Variants in COX10 observed in about 807,000 individuals in gnomAD.
COX10 encodes the protein cytochrome c oxidase assembly factor heme A:farnesyltransferase COX10.
COX10 carries 27 observed loss-of-function variants against 37.3 expected under a neutral mutation model. The ratio of observed to expected loss-of-function variants is 0.72; its 90% CI spans 0.53 to 1.00. The LOEUF (loss-of-function observed/expected upper bound fraction) is 1.00. Ranked by LOEUF, COX10 falls within the 50% of genes least tolerant of loss-of-function variation. COX10 has a pLI of 0.00. For missense variants in COX10, 475 were observed against 563.2 expected (o/e 0.84, Z 1.59); for synonymous variants, 222 against 229.1 (o/e 0.97, Z 0.28).
intron 4 of COX10, among the ~76,000 whole-genome samples, chr17:14,153,730 T>A (rs1904967265): frequency 6.6e-6 from 1 of 152,216 alleles, no homozygotes; most frequent in African/African-American, 2.4e-5. Flanking sequence ...CTCAACTATA[T>A]GATATATGTG....
chr17:14,158,401 T>A (rs2142238542), intron 4 of COX10, among the ~76,000 whole-genome samples: 1 of 151,552 alleles, frequency 6.6e-6, no homozygotes, highest in South Asian at 2.1e-4. Flanking sequence ...TTCTTTCATT[T>A]TTAACATATA....
At chr17:14,165,667 A>G (rs1200575141) in intron 5 of COX10, among the ~76,000 whole-genome samples, 1 of 152,236 alleles carries the variant, frequency 6.6e-6, no homozygotes, top group Non-Finnish European at 1.5e-5. Flanking sequence ...CTTTAAGTCA[A>G]AAGCTAGAAA....
chr17:14,128,588 G>A (rs886956526), intron 4 of COX10, among the ~76,000 whole-genome samples: 2 of 152,068 alleles, frequency 1.3e-5, no homozygotes, highest in African/African-American at 4.8e-5. Context: ...GCATATAGTA[G>A]GGATTCCATA....
At position 14,186,440 on chromosome 17, in the gene COX10, T is replaced by C. The variant is rs542311666; in HGVS notation, c.696-5549T>C. 2.0e-4 allele frequency among the ~76,000 whole-genome samples: 30 copies of C among 151,914 alleles called. No homozygotes were observed. The South Asian group carries it at 5.4e-3, about 27-fold the overall frequency. Reference sequence around the variant, plus strand: ...ACCCTTTCCGCCCATCTCCCACCCATCCATCGGGTCTCAGTTTACACATCA... The same window carrying C: ...ACCCTTTCCGCCCATCTCCCACCCACCCATCGGGTCTCAGTTTACACATCA... On this transcript the variant is annotated intron_variant, in intron 5 of 6. Coordinates refer to ENST00000261643, the MANE Select transcript of COX10 (RefSeq NM_001303.4).
chr17:14,106,343 T>A (rs927181175), intron 4 of COX10, among the ~76,000 whole-genome samples: 1 of 152,142 alleles, frequency 6.6e-6, no homozygotes, highest in East Asian at 1.9e-4. Flanking sequence ...AAGAGTTGTA[T>A]ATGGATATAC....
chr17:14,121,479 A>G (rs1916227757), intron 4 of COX10, among the ~76,000 whole-genome samples: 1 of 152,166 alleles, frequency 6.6e-6, no homozygotes. Context: ...CAGTTTCCTG[A>G]TGGCTGTATA....
chr17:14,071,005 A>C (rs187582541), intron 1 of COX10, among the ~76,000 whole-genome samples: 4 of 152,306 alleles, frequency 2.6e-5, no homozygotes, highest in Non-Finnish European at 5.9e-5. Context: ...GTGATTTTCC[A>C]TAATGAAAAG....
At chr17:14,200,475 A>G (rs574865257) in intron 6 of COX10, among the ~76,000 whole-genome samples, 112 of 152,338 alleles carry the variant, frequency 7.4e-4, no homozygotes, top group African/African-American at 2.6e-3. Flanking sequence ...GCCAGGTGCC[A>G]CTGGATGGGG....
chr17:14,099,939 C>T (rs1915740149), intron 3 of COX10, among the ~76,000 whole-genome samples: 1 of 152,148 alleles, frequency 6.6e-6, no homozygotes, highest in South Asian at 2.1e-4. Context: ...CATTCCTTTC[C>T]ATGTCACCCA....
chr17:14,131,636 T>C (rs1018763636), intron 4 of COX10, among the ~76,000 whole-genome samples: 2 of 152,036 alleles, frequency 1.3e-5, no homozygotes, highest in Admixed American at 6.6e-5. Flanking sequence ...TCATTTTAAA[T>C]GTTCTGATGA....
At chr17:14,192,809 A>G (rs1379178709) in intron 6 of COX10, among the ~76,000 whole-genome samples, 2 of 152,150 alleles carry the variant, frequency 1.3e-5, no homozygotes, top group East Asian at 1.9e-4. Context: ...TACCATGTGT[A>G]AGGGAAGTTT....
At chr17:14,140,615 G>A (rs1344007712) in intron 4 of COX10, among the ~76,000 whole-genome samples, 1 of 151,984 alleles carries the variant, frequency 6.6e-6, no homozygotes, top group East Asian at 1.9e-4. Flanking sequence ...ATTCATAAAT[G>A]ATATTGAAAC....
Position 14,146,611 on chromosome 17 carries a change from C to T in COX10, c.625-13266C>T, listed in dbSNP as rs187494645. Among the ~76,000 whole-genome samples the T allele has an allele frequency of 1.6e-3, 250 of 152,214 alleles. 2 individuals are homozygous for T. The highest frequency in any genetic ancestry group is 3.5e-3 in the Admixed American group (54 of 15,274). ...TTTCTTGAGTAATACCCCACAAACA[C>T]AGGCAACCAGAGCAGACATGGACAA... On this transcript the variant is annotated intron_variant, in intron 4 of 6. Coordinates refer to ENST00000261643, the MANE Select transcript of COX10 (RefSeq NM_001303.4).
At chr17:14,082,115 T>A (rs887595825) in intron 3 of COX10, among the ~76,000 whole-genome samples, 3 of 152,116 alleles carry the variant, frequency 2.0e-5, no homozygotes, top group African/African-American at 7.2e-5. Context: ...TTACCAAGGA[T>A]CAGTGTGTAC....
rs1906764295 is a variant in COX10, at chr17:14,208,087, G to C, written c.*874G>C. ...CTTTTTCAAGGCTGTATTGAGAAGG[G>C]AAGTTAGGAAGAAGGGTGTGCTGGG... On this transcript the variant is annotated 3_prime_UTR_variant, in exon 7 of 7. Transcript: ENST00000261643. The C allele has an allele frequency of 2.0e-5, 3 of 152,348 alleles. No homozygotes were observed. The highest frequency in any genetic ancestry group is 2.0e-4 in the Admixed American group (3 of 15,290). 9.4% of individuals were successfully genotyped at this position (152,348 alleles called of 1,614,324 possible).
At chr17:14,138,929 C>T (rs957161525) in intron 4 of COX10, among the ~76,000 whole-genome samples, 14 of 152,178 alleles carry the variant, frequency 9.2e-5, no homozygotes, top group East Asian at 3.9e-4. Context: ...GACGAAGCAA[C>T]GGAGACTCAA....
At chr17:14,129,147 A>AT (rs376366835) in intron 4 of COX10, among the ~76,000 whole-genome samples, 11,000 of 137,542 alleles carry the variant, frequency 0.08, 502 homozygotes, top group Middle Eastern at 0.14. Context: ...TGCCCGGCCT[A>AT]TTTTTTTTTT....
At chr17:14,082,584 A>G (rs1184863504) in intron 3 of COX10, among the ~76,000 whole-genome samples, 2 of 151,576 alleles carry the variant, frequency 1.3e-5, no homozygotes, top group Non-Finnish European at 2.9e-5. Flanking sequence ...TTGTTGTATT[A>G]TTTCTCCCTT....
intron 3 of COX10, among the ~76,000 whole-genome samples, chr17:14,078,959 A>G (rs956081299): frequency 2.6e-5 from 4 of 152,042 alleles, no homozygotes; most frequent in Non-Finnish European, 4.4e-5. Flanking sequence ...CCTGTCTTAT[A>G]TCCAGTCAGA....
Sources: allele counts gnomAD v4.1 joint callset (sites outside exome capture counted in the v4.1 genomes callset), GRCh38; gene constraint gnomAD v4.1.1; transcripts MANE v1.5; gene names NCBI Gene and HGNC (gene_info 2026-07-23, HGNC 2026-07-21).